The following RAPGEF6 variants were observed in gnomAD, a reference collection of about 807,000 sequenced individuals.
The protein encoded by RAPGEF6 is PDZ domain containing guanine nucleotide exchange factor (GEF) 2.
Under a neutral mutation model 171.4 loss-of-function variants are expected in RAPGEF6, and 56 were observed. The ratio of observed to expected loss-of-function variants is 0.33; its 90% CI spans 0.26 to 0.41. RAPGEF6 has a LOEUF of 0.41. Among genes scored for constraint, RAPGEF6 ranks in the 10% least tolerant of loss-of-function variants. RAPGEF6 has a pLI of 1.00. For synonymous variants in RAPGEF6, 692 were observed against 650.1 expected, an observed-to-expected ratio of 1.06 and a Z score of -0.98; for missense variants, 1,674 against 1,921.4, an observed-to-expected ratio of 0.87 and a Z score of 2.41.
intron 7 of RAPGEF6, among the ~76,000 whole-genome samples, chr5:131,520,571 T>C (rs928075379): frequency 6.6e-6 from 1 of 152,180 alleles, no homozygotes; most frequent in African/African-American, 2.4e-5. Context: ...AGGTAATATA[T>C]TTGAATTCCT....
In RAPGEF6 at chr5:131,585,729, G is replaced by A. The variant is rs193170747; in HGVS notation, c.281+6654C>T. Among the ~76,000 whole-genome samples the A allele has an allele frequency of 5.2e-4, 79 of 152,272 alleles. 1 individual carries two copies. In the East Asian group the frequency reaches 0.013, roughly 25 times the overall value. ...TAATCCCAGCTACTGGGGAGGCTGAGGCAGGAGAATAGCTTGAACCCATGA... is the reference window on the plus strand; with the variant it reads ...TAATCCCAGCTACTGGGGAGGCTGAAGCAGGAGAATAGCTTGAACCCATGA... On this transcript the variant is annotated intron_variant, in intron 4 of 27. Transcript: ENST00000509018.
chr5:131,535,177 T>A (rs1376876813), intron 6 of RAPGEF6, among the ~76,000 whole-genome samples: 3 of 152,158 alleles, frequency 2.0e-5, no homozygotes, highest in South Asian at 2.1e-4. Flanking sequence ...CATCTCATAG[T>A]ATCTTCGATT....
chr5:131,603,113 C>T (rs1580659618), intron 3 of RAPGEF6, among the ~76,000 whole-genome samples, 158 bp downstream of exon 3: 1 of 152,094 alleles, frequency 6.6e-6, no homozygotes, highest in Admixed American at 6.5e-5. Flanking sequence ...GCTTTGTACA[C>T]TTTTGGTGGA....
At position 131,479,738 on chromosome 5, in the gene RAPGEF6, A is replaced by T. The variant is rs764325566; in HGVS notation, c.1856T>A (p.Leu619His). ...AGATTTCTCTTGTTCAGTCCTAAAAAGTAACTCTTTGAACACTGTGGAAAT... is the reference window on the plus strand; with the variant it reads ...AGATTTCTCTTGTTCAGTCCTAAAATGTAACTCTTTGAACACTGTGGAAAT... ...KTNIFVFKEL[L>H]FRTEQEKSGV... The change falls in exon 16 of 28, where the codon CTT (leucine) becomes CAT (histidine). Residue 619 changes from leucine (L) to histidine (H), a missense_variant. This residue lies in a region of RAPGEF6 where 1,116 missense variants were observed against 1,321.5 expected (regional missense o/e 0.84). Transcript: ENST00000509018. The T allele has an allele frequency of 1.2e-6, 2 of 1,613,894 alleles. No homozygotes were observed. The highest frequency in any genetic ancestry group is 1.7e-5 in the Admixed American group (1 of 59,998).
intron 5 of RAPGEF6, among the ~76,000 whole-genome samples, chr5:131,556,108 A>G (rs139368090): frequency 2.6e-4 from 39 of 151,936 alleles, no homozygotes; most frequent in African/African-American, 9.5e-4. Context: ...GTGATCAGTC[A>G]TAACCAGCAG....
At chr5:131,571,946 C>A (rs955363592) in intron 4 of RAPGEF6, among the ~76,000 whole-genome samples, 2 of 152,054 alleles carry the variant, frequency 1.3e-5, no homozygotes, top group Admixed American at 1.3e-4. Flanking sequence ...AACATCCTCC[C>A]AGCCCTTGAG....
intron 18 of RAPGEF6, among the ~76,000 whole-genome samples, chr5:131,462,423 G>C (rs1394250112): frequency 6.6e-6 from 1 of 152,100 alleles, no homozygotes; most frequent in Non-Finnish European, 1.5e-5. Context: ...ACAGAGGATT[G>C]GTACTATGTA....
At chr5:131,567,208 C>T (rs1470789628) in intron 4 of RAPGEF6, among the ~76,000 whole-genome samples, 1 of 151,708 alleles carries the variant, frequency 6.6e-6, no homozygotes, top group Non-Finnish European at 1.5e-5. Flanking sequence ...GTCAGTCTAA[C>T]TCAAAGTTTA....
chr5:131,604,806 T>A, intron 1 of RAPGEF6, 113 bp from the exon 2 acceptor site: 1 of 1,277,804 alleles, frequency 7.8e-7, no homozygotes, highest in Non-Finnish European at 1.0e-6. Context: ...AGCAGTTAAC[T>A]ATGGAAAAAT....
chr5:131,511,963 T>A (rs1001985604), intron 7 of RAPGEF6, among the ~76,000 whole-genome samples: 7 of 152,214 alleles, frequency 4.6e-5, no homozygotes, highest in Admixed American at 3.9e-4. Flanking sequence ...CTTTCTTAAC[T>A]GGTTGCTAAA....
Position 131,453,165 on chromosome 5 carries a change from T to C in RAPGEF6, c.3089A>G (p.Lys1030Arg), listed in dbSNP as rs1753226126. ...MTFLHEGNDS[K>R]VDGLVNFEKL... Reference sequence around the variant, plus strand: ...CTCAAAGTTTACTAAACCATCTACTTTGGAGTCATTTCCTATAGAATGAAA... The same window carrying C: ...CTCAAAGTTTACTAAACCATCTACTCTGGAGTCATTTCCTATAGAATGAAA... Residue 1030 changes from lysine (K) to arginine (R), a missense_variant, in exon 21 of 28, where the codon AAA (lysine) becomes AGA (arginine). Coordinates refer to ENST00000509018, the MANE Select transcript of RAPGEF6 (RefSeq NM_016340.6). The C allele has an allele frequency of 6.2e-7, 1 of 1,608,242 alleles. No individual in the cohort carries two copies. Among genetic ancestry groups the C allele is most frequent in the East Asian group, 2.2e-5 (1 of 44,772 alleles).
chr5:131,584,988 T>C (rs1039888078), intron 4 of RAPGEF6, among the ~76,000 whole-genome samples: 4 of 152,118 alleles, frequency 2.6e-5, no homozygotes, highest in African/African-American at 9.7e-5. Flanking sequence ...CACACAAAAT[T>C]TAAGGGATAC....
chr5:131,498,616 CCAAGGATAG>C lies in RAPGEF6; in HGVS notation c.1255-18_1255-10del, dbSNP rs1339845852. 6.2e-7 allele frequency: 1 copy of C among 1,610,326 alleles called. No homozygotes were observed. The highest frequency in any genetic ancestry group is 8.5e-7 in the Non-Finnish European group (1 of 1,178,432). ...AGACGCTCAGGTGTTGCCTAAAAAT[CCAAGGATAG>C]GAAGGATTAGAAAATAAACAAATGA... On this transcript the variant is annotated splice_polypyrimidine_tract_variant and intron_variant, in intron 11 of 27. Transcript: ENST00000509018.
chr5:131,486,583 C>A (rs2149866539), intron 15 of RAPGEF6, among the ~76,000 whole-genome samples: 1 of 152,146 alleles, frequency 6.6e-6, no homozygotes, highest in South Asian at 2.1e-4. Context: ...TTTACTTTGT[C>A]TTTTTGTTCC....
chr5:131,511,422 AATTC>A (rs1757712209), intron 7 of RAPGEF6: 1 of 151,836 alleles, frequency 6.6e-6, no homozygotes, highest in Non-Finnish European at 1.5e-5. Context: ...ACAGAATCTT[AATTC>A]ATTAAGTATC....
intron 16 of RAPGEF6, among the ~76,000 whole-genome samples, chr5:131,477,337 A>T (rs577559722): frequency 7.4e-4 from 112 of 152,330 alleles, no homozygotes; most frequent in African/African-American, 2.5e-3. Context: ...TTTGGAAGGG[A>T]CAGACAGGTT....
At chr5:131,508,344 T>C in intron 8 of RAPGEF6, 137 bp from the exon 9 acceptor site, 1 of 841,900 alleles carries the variant, frequency 1.2e-6, no homozygotes. Flanking sequence ...ACTAAGGTAC[T>C]ATTTGACCGT....
chr5:131,529,654 T>A (rs1759233818), intron 6 of RAPGEF6, among the ~76,000 whole-genome samples: 1 of 152,098 alleles, frequency 6.6e-6, no homozygotes, highest in South Asian at 2.1e-4. Context: ...CTCATGCCTG[T>A]AATCCCAGCA....
At chr5:131,623,826 A>G (rs1192504153) in intron 1 of RAPGEF6, among the ~76,000 whole-genome samples, 4 of 152,192 alleles carry the variant, frequency 2.6e-5, no homozygotes, top group African/African-American at 9.7e-5. Context: ...AAATATTTAG[A>G]TATCTACTAT....
Sources: allele counts gnomAD v4.1 joint callset (sites outside exome capture counted in the v4.1 genomes callset), GRCh38; gene constraint gnomAD v4.1.1; regional missense constraint gnomAD v4.1.1; transcripts MANE v1.5; gene names NCBI Gene and HGNC (gene_info 2026-07-23, HGNC 2026-07-21).